The following FREM3 variants were observed in gnomAD, a reference collection of about 807,000 sequenced individuals.
FREM3 encodes FRAS1-related extracellular matrix protein 3.
In FREM3, 105 loss-of-function variants were observed where a neutral mutation model predicts 129.1. That is an observed-to-expected ratio of 0.81 (90% CI 0.69 to 0.96). The LOEUF (loss-of-function observed/expected upper bound fraction) is 0.96, where lower values mean the gene tolerates loss of function less well. Ranked by LOEUF, FREM3 falls within the 40% of genes least tolerant of loss-of-function variation. The pLI is 0.00. For missense variants in FREM3, 2,593 were observed against 2,666.3 expected, an observed-to-expected ratio of 0.97 and a Z score of 0.61; for synonymous variants, 1,014 against 1,044.9, an observed-to-expected ratio of 0.97 and a Z score of 0.57.
At position 143,698,884 on chromosome 4, in the gene FREM3, C is replaced by A; in HGVS notation, c.1792G>T (p.Glu598Ter). 1.3e-6 allele frequency: 2 copies of A among 1,537,536 alleles called. No individual in the cohort carries two copies. The highest frequency in any genetic ancestry group is 1.7e-6 in the Non-Finnish European group (2 of 1,146,956). ...GAGTGGGAGGAACCAGGGGCCAACT[C>A]CCACTGAGGCTCTTCCTCATTTCCT... ...LKGNEEEPQW[E>*]LAPGSSHSGH... Residue 598 changes from glutamate to a stop codon, truncating the protein, a stop_gained, in exon 1 of 8, where the codon GAG (glutamate) becomes TAG (stop). Coordinates refer to ENST00000329798, the MANE Select transcript of FREM3 (RefSeq NM_001168235.2). LOFTEE classifies it high-confidence loss of function.
intron 2 of FREM3, among the ~76,000 whole-genome samples, chr4:143,631,578 CTCTAA>C (rs1739141657): frequency 1.3e-5 from 2 of 152,058 alleles, no homozygotes; most frequent in Admixed American, 1.3e-4. Context: ...CTTCAGGATT[CTCTAA>C]TCCAACTAGA....
Position 143,585,733 on chromosome 4 carries a change from C to CT in FREM3, c.6178+110dup. On this transcript the variant is annotated intron_variant, in intron 7 of 7. Transcript: ENST00000329798. The surrounding 1 kb of genome is among the most constrained non-coding windows in gnomAD (Gnocchi z 4.2). ...CATCTACGTGCTGAAGCCAGAGAAA[C>CT]TTTCATTCAGAGTCCATCAACAAAG... 8.9e-7 allele frequency: 1 copy of CT among 1,121,138 alleles called. No individual in the cohort carries two copies. The highest frequency in any genetic ancestry group is 1.2e-6 in the Non-Finnish European group (1 of 811,594). The allele number at this position is 1,121,138 out of a possible 1,614,324, so 69.4% of individuals were successfully genotyped here.
At chr4:143,653,647 G>T (rs890529428) in intron 2 of FREM3, among the ~76,000 whole-genome samples, 1 of 152,170 alleles carries the variant, frequency 6.6e-6, no homozygotes, top group Non-Finnish European at 1.5e-5. Context: ...ACTCAAGGAC[G>T]AGAGGTTATA....
chr4:143,639,312 G>A (rs1051688283), intron 2 of FREM3, among the ~76,000 whole-genome samples: 6 of 152,070 alleles, frequency 3.9e-5, no homozygotes, highest in East Asian at 1.9e-4. Flanking sequence ...CTTGACATAC[G>A]GGCAGTGTCA....
intron 6 of FREM3, among the ~76,000 whole-genome samples, chr4:143,586,636 G>A (rs990107468): frequency 6.6e-6 from 1 of 152,184 alleles, no homozygotes; most frequent in East Asian, 1.9e-4. Context: ...GTGGGTAGAA[G>A]GGAATTGTAC....
At chr4:143,607,070 C>T (rs1738680785) in intron 6 of FREM3, among the ~76,000 whole-genome samples, 1 of 152,116 alleles carries the variant, frequency 6.6e-6, no homozygotes, top group Non-Finnish European at 1.5e-5. Context: ...CTGCTGTATC[C>T]TCTATGCTTA....
At chr4:143,652,634 C>G (rs1381358352) in intron 2 of FREM3, among the ~76,000 whole-genome samples, 1 of 152,078 alleles carries the variant, frequency 6.6e-6, no homozygotes, top group Non-Finnish European at 1.5e-5. Context: ...TCCTGCTTTT[C>G]CTCTTTCTGT....
At chr4:143,601,264 C>G (rs1365290352) in intron 6 of FREM3, among the ~76,000 whole-genome samples, 2 of 152,142 alleles carry the variant, frequency 1.3e-5, no homozygotes, top group Non-Finnish European at 2.9e-5. Context: ...ACCAAAATGA[C>G]ACTTTGTTTA....
intron 2 of FREM3, among the ~76,000 whole-genome samples, chr4:143,669,266 C>G (rs1191486685): frequency 6.6e-6 from 1 of 152,098 alleles, no homozygotes; most frequent in East Asian, 1.9e-4. Context: ...CAGATCATAA[C>G]TCTATTCTTA....
chr4:143,599,097 G>C (rs1738528247), intron 6 of FREM3, among the ~76,000 whole-genome samples: 1 of 152,178 alleles, frequency 6.6e-6, no homozygotes, highest in Admixed American at 6.5e-5. Flanking sequence ...CAGTATGTCT[G>C]TAGAGGGAAG....
chr4:143,577,448 C>G lies in FREM3; in HGVS notation c.*163G>C. The G allele has an allele frequency of 1.6e-6, 1 of 629,834 alleles. No individual in the cohort carries two copies. The allele number at this position is 629,834 out of a possible 1,614,324, so 39.0% of individuals were successfully genotyped here. A position where few individuals can be genotyped will look rare whatever the true frequency, so the allele number is the denominator to read the frequency against. On this transcript the variant is annotated 3_prime_UTR_variant, in exon 8 of 8. Coordinates refer to ENST00000329798, the MANE Select transcript of FREM3 (RefSeq NM_001168235.2). ...TTTCTAGGTATATATATTTCTATCT[C>G]CATGCAGTCATATAAATTACATTTC...
At chr4:143,582,003 G>A (rs1160760288) in intron 7 of FREM3, among the ~76,000 whole-genome samples, 2 of 151,632 alleles carry the variant, frequency 1.3e-5, no homozygotes, top group African/African-American at 4.8e-5. Flanking sequence ...TGCACTCCCT[G>A]CCCATCACCA....
At chr4:143,672,715 A>C (rs1740022099) in intron 2 of FREM3, among the ~76,000 whole-genome samples, 1 of 152,128 alleles carries the variant, frequency 6.6e-6, no homozygotes, top group Non-Finnish European at 1.5e-5. Context: ...TCTCCCCGTC[A>C]CTTTCAGGTA....
rs1295641293 is a variant in FREM3 at position 143,621,179 on chromosome 4, A to G, written c.5654-17T>C. On this transcript the variant is annotated splice_polypyrimidine_tract_variant and intron_variant, in intron 4 of 7. Transcript: ENST00000329798. The stretch of plus-strand genomic sequence containing the variant: ...CTGTTGATTCTAGAAAAGATGGCAG[A>G]AGACTTTTCACCAAGATTTAGATTT... 3 of 1,536,422 alleles carry G rather than the reference A, an allele frequency of 2.0e-6. No individual in the cohort carries two copies. The highest frequency in any genetic ancestry group is 2.6e-6 in the Non-Finnish European group (3 of 1,146,416).
chr4:143,594,057 G>A (rs180810380), intron 6 of FREM3, among the ~76,000 whole-genome samples: 29 of 152,280 alleles, frequency 1.9e-4, no homozygotes, highest in Non-Finnish European at 3.1e-4. Flanking sequence ...CTGGTGTGCC[G>A]TTTGAGAAGC....
At chr4:143,618,012 A>C (rs185509637) in intron 5 of FREM3, among the ~76,000 whole-genome samples, 5 of 152,290 alleles carry the variant, frequency 3.3e-5, no homozygotes, top group Admixed American at 3.3e-4. Flanking sequence ...CTTAGATGTG[A>C]ATGAAAGAGA....
Position 143,697,859 on chromosome 4 carries a change from A to G in FREM3, c.2817T>C (p.Ala939=). The part of the protein sequence containing the change: ...TIPISVHPNV[A]NRSPRISLRS... ...TGAGAGAGATCCTAGGACTTCTGTTAGCCACATTGGGATGCACAGAAATTG... is the reference window on the plus strand; with the variant it reads ...TGAGAGAGATCCTAGGACTTCTGTTGGCCACATTGGGATGCACAGAAATTG... Residue 939 remains alanine (A), a synonymous_variant, in exon 1 of 8, where the codon GCT becomes GCC. Coordinates refer to ENST00000329798, the MANE Select transcript of FREM3 (RefSeq NM_001168235.2). 1.3e-6 allele frequency: 2 copies of G among 1,537,866 alleles called. No individual in the cohort carries two copies. The highest frequency in any genetic ancestry group is 1.7e-6 in the Non-Finnish European group (2 of 1,147,008).
Position 143,700,096 on chromosome 4 carries a change from C to T in FREM3, c.580G>A (p.Asp194Asn). The T allele has an allele frequency of 1.3e-6, 2 of 1,536,510 alleles. No individual in the cohort carries two copies. Among genetic ancestry groups the T allele is most frequent in the South Asian group, 2.4e-5 (2 of 84,018 alleles). Residue 194 changes from aspartate (D) to asparagine (N), a missense_variant, in exon 1 of 8, where the codon GAC (aspartate) becomes AAC (asparagine). Transcript: ENST00000329798. ...WSRAIDRRVL[D>N]FASLKSGATA... is the part of the protein sequence containing the mutation. ...GCTCCAGACTTCAGGGAGGCGAAGT[C>T]CAGCACTCTCCTGTCTATGGCGCGG...
chr4:143,672,592 G>A (rs1293635268), intron 2 of FREM3, among the ~76,000 whole-genome samples: 1 of 152,168 alleles, frequency 6.6e-6, no homozygotes, highest in African/African-American at 2.4e-5. Flanking sequence ...TTCTCGAGGA[G>A]TATCTTTGTG....
Sources: gnomAD v4.1 joint callset for allele counts (sites outside exome capture counted in the v4.1 genomes callset) on GRCh38, gnomAD v4.1.1 for gene constraint, Gnocchi (gnomAD v3.1) non-coding constraint, MANE v1.5 for transcripts, NCBI Gene and HGNC (gene_info 2026-07-23, HGNC 2026-07-21) for gene names.